PEX14: variants seen among roughly 807,000 people sequenced by gnomAD.
PEX14 encodes the protein peroxisomal biogenesis factor 14.
In PEX14, 15 loss-of-function variants were observed where a neutral mutation model predicts 49.5. The observed-to-expected ratio is 0.30, with a 90% CI of 0.20 to 0.47. The LOEUF (loss-of-function observed/expected upper bound fraction) is 0.47. Ranked by LOEUF, PEX14 falls within the 20% of genes least tolerant of loss-of-function variation. PEX14 has a pLI of 1.00. For synonymous variants in PEX14, 210 were observed against 212.7 expected, an observed-to-expected ratio of 0.99 and a Z score of 0.11; for missense variants, 398 against 494.8, an observed-to-expected ratio of 0.80 and a Z score of 1.86.
rs1641933673 is a variant in PEX14 at position 10,514,186 on chromosome 1, G to GTGTGTC, written c.84+18870_84+18871insCTGTGT. 6.6e-6 allele frequency among the ~76,000 whole-genome samples: 1 copy of GTGTGTC among 151,808 alleles called. No homozygotes were observed. Among genetic ancestry groups the GTGTGTC allele is most frequent in the South Asian group, 2.1e-4 (1 of 4,800 alleles). ...TGTGTGTGTGTGTGTGTGTGTGTGT[G>GTGTGTC]TGTGTGTGTGTGTATGGTGTTAGAA... is the stretch of plus-strand genomic sequence containing the variant. On this transcript the variant is annotated intron_variant, in intron 2 of 8. Transcript: ENST00000356607. The surrounding 1 kb of genome is among the most constrained non-coding windows in gnomAD (Gnocchi z 4.4).
Position 10,508,833 on chromosome 1 carries a change from G to A in PEX14, c.84+13512G>A, listed in dbSNP as rs1641834525. Among the ~76,000 whole-genome samples the A allele has an allele frequency of 2.6e-5, 4 of 152,238 alleles. 1 individual carries two copies. In the South Asian group the frequency reaches 8.3e-4, roughly 32 times the overall value. ...CCTAGGGCCACTTTCTTGTGGCTTT[G>A]CATTCTTTCAGGCTTTCATCTGAAG... On this transcript the variant is annotated intron_variant, in intron 2 of 8. Coordinates refer to ENST00000356607, the MANE Select transcript of PEX14 (RefSeq NM_004565.3).
At chr1:10,521,240 C>G (rs1638285824) in intron 2 of PEX14, among the ~76,000 whole-genome samples, 1 of 151,702 alleles carries the variant, frequency 6.6e-6, no homozygotes, top group East Asian at 1.9e-4. Context: ...TTCCTTTTCT[C>G]TAACCTTCTC....
intron 2 of PEX14, among the ~76,000 whole-genome samples, chr1:10,534,134 T>C (rs1638729698): frequency 1.3e-5 from 2 of 152,232 alleles, no homozygotes; most frequent in South Asian, 4.1e-4. Context: ...TCATCCACAT[T>C]TCCGCTGACA....
chr1:10,572,655 C>T (rs1210125556), intron 3 of PEX14, among the ~76,000 whole-genome samples: 1 of 150,854 alleles, frequency 6.6e-6, no homozygotes, highest in African/African-American at 2.4e-5. Flanking sequence ...CTGTCTTAGC[C>T]TCCCGAGTAG....
At chr1:10,544,457 G>T (rs567233581) in intron 3 of PEX14, among the ~76,000 whole-genome samples, 1 of 152,226 alleles carries the variant, frequency 6.6e-6, no homozygotes, top group Admixed American at 6.5e-5. Context: ...TGCTCAGGAG[G>T]GTGTGTGTGG....
intron 3 of PEX14, among the ~76,000 whole-genome samples, chr1:10,564,193 T>A (rs1639736753): frequency 6.6e-6 from 1 of 152,178 alleles, no homozygotes; most frequent in Non-Finnish European, 1.5e-5. Context: ...CTTAATATTG[T>A]TCTGTCTTGT....
chr1:10,543,203 C>T (rs1437718744), intron 3 of PEX14, among the ~76,000 whole-genome samples: 2 of 152,200 alleles, frequency 1.3e-5, no homozygotes, highest in African/African-American at 4.8e-5. Flanking sequence ...GGCACAATCT[C>T]GACTCACTGC....
At chr1:10,487,014 A>T (rs1043698883) in intron 1 of PEX14, among the ~76,000 whole-genome samples, 5 of 152,052 alleles carry the variant, frequency 3.3e-5, no homozygotes, top group Non-Finnish European at 5.9e-5. Flanking sequence ...AAAAAAAAAA[A>T]TTATTTTTGA....
chr1:10,513,615 GAGGAACAGAAGGATCATTTAGTGCT>G (rs1484026707), intron 2 of PEX14, among the ~76,000 whole-genome samples: 2 of 152,188 alleles, frequency 1.3e-5, no homozygotes, highest in Non-Finnish European at 2.9e-5. Context: ...CAGGGCCTCT[GAGGAACAGAAGGATCATTTAGTGCT>G]CATGGCCTGC....
chr1:10,573,576 G>A (rs1304313856), intron 3 of PEX14, among the ~76,000 whole-genome samples: 3 of 152,190 alleles, frequency 2.0e-5, no homozygotes, highest in African/African-American at 7.2e-5. Flanking sequence ...TTAGAATGGC[G>A]AAAATTTAAA....
chr1:10,517,849 A>G (rs1641998467), intron 2 of PEX14, among the ~76,000 whole-genome samples: 1 of 152,124 alleles, frequency 6.6e-6, no homozygotes, highest in African/African-American at 2.4e-5. Flanking sequence ...TTTGAAAAAA[A>G]TTAAATAATT....
Position 10,599,257 on chromosome 1 carries a change from T to A in PEX14, c.189T>A (p.Ile63=), listed in dbSNP as rs1438609095. ...LKKKGLTDEE[I]DMAFQQSGTA... ...CCCCAGGGCTGACAGATGAAGAGAT[T>A]GATATGGCCTTCCAGCAGTCGGGCA... is the stretch of plus-strand genomic sequence containing the variant. Residue 63 remains isoleucine (I), a synonymous_variant, in exon 4 of 9, where the codon ATT becomes ATA. Transcript: ENST00000356607. 1 of 1,614,044 alleles carries A rather than the reference T, an allele frequency of 6.2e-7. No individual in the cohort carries two copies. The highest frequency in any genetic ancestry group is 1.3e-5 in the African/African-American group (1 of 74,938).
At chr1:10,585,449 C>A (rs140419981) in intron 3 of PEX14, among the ~76,000 whole-genome samples, 24 of 152,256 alleles carry the variant, frequency 1.6e-4, no homozygotes, top group African/African-American at 4.8e-4. Flanking sequence ...GGAGTAAATA[C>A]TCCATTAAAA....
chr1:10,629,514 C>T lies in PEX14; in HGVS notation c.678-17C>T, dbSNP rs1641847516. 1 of 1,581,518 alleles carries T rather than the reference C, an allele frequency of 6.3e-7. No homozygotes were observed. The highest frequency in any genetic ancestry group is 8.7e-7 in the Non-Finnish European group (1 of 1,151,896). ...CTGAATGCCGCCACCAACCTCCTCC[C>T]CTTCTTCTCCCTCTAGGAGGCAGTT... On this transcript the variant is annotated splice_polypyrimidine_tract_variant and intron_variant, in intron 8 of 8. Coordinates refer to ENST00000356607, the MANE Select transcript of PEX14 (RefSeq NM_004565.3). This position sits in a 1 kb window ranked among gnomAD's most constrained non-coding sequence, Gnocchi z 8.5.
At chr1:10,540,316 ACTT>A (rs1638964614) in intron 3 of PEX14, among the ~76,000 whole-genome samples, 1 of 152,100 alleles carries the variant, frequency 6.6e-6, no homozygotes, top group Non-Finnish European at 1.5e-5. Context: ...CTCTTTTATT[ACTT>A]TTCTTTTTTT....
At chr1:10,619,753 G>C (rs1368714147) in intron 5 of PEX14, among the ~76,000 whole-genome samples, 1 of 152,134 alleles carries the variant, frequency 6.6e-6, no homozygotes, top group East Asian at 1.9e-4. Flanking sequence ...AGTTGTAGCA[G>C]AATATAATTT....
At chr1:10,585,269 CA>C in intron 3 of PEX14, among the ~76,000 whole-genome samples, 1 of 151,966 alleles carries the variant, frequency 6.6e-6, no homozygotes, top group Non-Finnish European at 1.5e-5. Context: ...AGTAACTTTG[CA>C]GTAGAGAAAT....
chr1:10,567,385 A>G (rs1275352356), intron 3 of PEX14, among the ~76,000 whole-genome samples: 2 of 152,098 alleles, frequency 1.3e-5, no homozygotes, highest in Non-Finnish European at 2.9e-5. Context: ...TACATGTTTT[A>G]TTATCTGTTA....
At chr1:10,560,220 G>A (rs1639614847) in intron 3 of PEX14, among the ~76,000 whole-genome samples, 1 of 151,980 alleles carries the variant, frequency 6.6e-6, no homozygotes, top group African/African-American at 2.4e-5. Context: ...ACCATGCCCA[G>A]CTAATTTTGT....
Sources: gnomAD v4.1 joint callset for allele counts (sites outside exome capture counted in the v4.1 genomes callset) on GRCh38, gnomAD v4.1.1 for gene constraint, Gnocchi (gnomAD v3.1) non-coding constraint, MANE v1.5 for transcripts, NCBI Gene and HGNC (gene_info 2026-07-23, HGNC 2026-07-21) for gene names.